PTPN4: variants seen among roughly 807,000 people sequenced by gnomAD.
PTPN4 encodes tyrosine-protein phosphatase non-receptor type 4.
A neutral mutation model predicts 135.5 loss-of-function variants in PTPN4; 49 were observed. The ratio of observed to expected loss-of-function variants is 0.36; its 90% CI spans 0.29 to 0.46. The LOEUF (loss-of-function observed/expected upper bound fraction) is 0.46. PTPN4 is among the 20% of genes least tolerant of loss of function. The pLI is 1.00. For missense variants in PTPN4, 860 were observed against 1,101.0 expected (o/e 0.78, Z 3.10); for synonymous variants, 333 against 369.9 (o/e 0.90, Z 1.14).
At chr2:119,817,035 A>G (rs117479153) in intron 2 of PTPN4, among the ~76,000 whole-genome samples, 2 of 152,192 alleles carry the variant, frequency 1.3e-5, no homozygotes, top group East Asian at 1.9e-4. Context: ...AGAAGTTGCC[A>G]TAGAGCTGTG....
At chr2:119,926,142 TCA>T (rs568131430) in intron 12 of PTPN4, among the ~76,000 whole-genome samples, 71 of 152,194 alleles carry the variant, frequency 4.7e-4, no homozygotes, top group Non-Finnish European at 3.2e-4. Context: ...TTATGTTAAT[TCA>T]CAGTTAAGTA....
chr2:119,962,697 G>A lies in PTPN4; in HGVS notation c.2362G>A (p.Gly788Arg). 6.3e-7 allele frequency: 1 copy of A among 1,590,546 alleles called. No homozygotes were observed. Among genetic ancestry groups the A allele is most frequent in the South Asian group, 1.1e-5 (1 of 88,398 alleles). The change falls in exon 24 of 27, where the codon GGA becomes AGA. Residue 788 changes from glycine to arginine, a missense_variant. This residue lies in a region of PTPN4 where 176 missense variants were observed against 294.1 expected (regional missense o/e 0.60). Transcript: ENST00000263708. ...CYQVTCHSEE[G>R]NTAYIFRKMT... Reference sequence around the variant, plus strand: ...CCAAGTTACCTGCCACTCTGAAGAAGGAAACACTGCCTATATCTTCAGGAA... The same window carrying A: ...CCAAGTTACCTGCCACTCTGAAGAAAGAAACACTGCCTATATCTTCAGGAA...
chr2:119,942,994 G>A lies in PTPN4; in HGVS notation c.1356-2087G>A, dbSNP rs946305570. Among the ~76,000 whole-genome samples the A allele has an allele frequency of 2.6e-5, 4 of 152,196 alleles. No individual in the cohort carries two copies. The South Asian group carries it at 8.3e-4, about 32-fold the overall frequency. On this transcript the variant is annotated intron_variant, in intron 15 of 26. Coordinates refer to ENST00000263708, the MANE Select transcript of PTPN4 (RefSeq NM_002830.4). ...GAAAAAGAGGGATGTATGCTCTGAT[G>A]CAGTCTTTGTAGACTTGGCAGAATT...
chr2:119,916,239 C>T (rs1678652078), intron 11 of PTPN4: 1 of 148,742 alleles, frequency 6.7e-6, no homozygotes, highest in South Asian at 2.1e-4. Flanking sequence ...ACAGTGGTGG[C>T]TTCTACCTGT....
intron 1 of PTPN4, among the ~76,000 whole-genome samples, 151 bp downstream of exon 1, chr2:119,760,535 A>G (rs1306528827): frequency 6.7e-6 from 1 of 150,230 alleles, no homozygotes; most frequent in Non-Finnish European, 1.5e-5. Flanking sequence ...GGACAAAAAC[A>G]AACAAACAAA....
rs1278538274 is a variant in PTPN4 at position 119,982,540 on chromosome 2, T to G, written c.*5470T>G. 1.3e-5 allele frequency: 2 copies of G among 152,208 alleles called. No individual in the cohort carries two copies. Among genetic ancestry groups the G allele is most frequent in the Non-Finnish European group, 2.9e-5 (2 of 68,032 alleles). 9.4% of individuals were successfully genotyped at this position (152,208 alleles called of 1,614,324 possible). Reference sequence around the variant, plus strand: ...AGATATAATGTACATTCTTTTTCATTTTGCTTTGCCTCTAGAATAGAAACT... The same window carrying G: ...AGATATAATGTACATTCTTTTTCATGTTGCTTTGCCTCTAGAATAGAAACT... On this transcript the variant is annotated 3_prime_UTR_variant, in exon 27 of 27. Transcript: ENST00000263708.
chr2:119,766,893 A>G (rs1345876108), intron 1 of PTPN4, among the ~76,000 whole-genome samples: 1 of 152,144 alleles, frequency 6.6e-6, no homozygotes, highest in Admixed American at 6.5e-5. Context: ...CTTCTTTGGC[A>G]GCTTCCCTTC....
chr2:119,788,866 A>G (rs978456031), intron 1 of PTPN4, among the ~76,000 whole-genome samples: 7 of 152,160 alleles, frequency 4.6e-5, no homozygotes, highest in Admixed American at 1.3e-4. Flanking sequence ...ATTGTGAATA[A>G]TGCTGTTGTG....
chr2:119,825,334 T>C (rs925303331), intron 2 of PTPN4, among the ~76,000 whole-genome samples: 3 of 152,176 alleles, frequency 2.0e-5, no homozygotes, highest in Admixed American at 6.5e-5. Context: ...GTGTTTATTA[T>C]GTCCACAGAG....
chr2:119,765,135 A>G (rs1042033777), intron 1 of PTPN4, among the ~76,000 whole-genome samples: 2 of 152,238 alleles, frequency 1.3e-5, no homozygotes, highest in Admixed American at 1.3e-4. Flanking sequence ...GGATTAAGAT[A>G]CTATATGTAA....
At position 119,974,085 on chromosome 2, in the gene PTPN4, T is replaced by C. The variant is rs138217839; in HGVS notation, c.2695-2899T>C. On this transcript the variant is annotated intron_variant, in intron 26 of 26. Transcript: ENST00000263708. ...TCCCTTTATCTATAAGCTTTCAATA[T>C]AATGAATCATTTACTAGCTTCCTCC... Among the ~76,000 whole-genome samples the C allele has an allele frequency of 1.9e-4, 29 of 152,350 alleles. No individual in the cohort carries two copies. The East Asian group carries it at 4.4e-3, about 23-fold the overall frequency.
chr2:119,764,735 C>G (rs763087861), intron 1 of PTPN4, among the ~76,000 whole-genome samples: 1 of 150,520 alleles, frequency 6.6e-6, no homozygotes, highest in African/African-American at 2.4e-5. Context: ...TTTGTATTGT[C>G]TTATGAATTT....
At chr2:119,762,800 T>TA (rs1690533297) in intron 1 of PTPN4, among the ~76,000 whole-genome samples, 1 of 152,166 alleles carries the variant, frequency 6.6e-6, no homozygotes, top group Non-Finnish European at 1.5e-5. Context: ...TAGTTATTGG[T>TA]AGAAGTTTAC....
chr2:119,955,140 T>G lies in PTPN4; in HGVS notation c.1814-17T>G. On this transcript the variant is annotated splice_polypyrimidine_tract_variant and intron_variant, in intron 19 of 26. Transcript: ENST00000263708. ...AGATTTCCACGTTTTGGGGTTTGTT[T>G]GATTTTTTTTTTTTAGCTGTATATG... is the stretch of plus-strand genomic sequence containing the variant. The G allele has an allele frequency of 6.4e-7, 1 of 1,572,832 alleles. No individual in the cohort carries two copies. The highest frequency in any genetic ancestry group is 1.2e-5 in the South Asian group (1 of 84,412).
chr2:119,789,091 CTT>C (rs547900319), intron 1 of PTPN4, among the ~76,000 whole-genome samples: 9 of 142,618 alleles, frequency 6.3e-5, no homozygotes, highest in Admixed American at 7.1e-5. Context: ...TTTCTTTTTT[CTT>C]TTTTTTTTTT....
chr2:119,829,935 A>C (rs898008862), intron 2 of PTPN4, among the ~76,000 whole-genome samples: 1 of 152,162 alleles, frequency 6.6e-6, no homozygotes, highest in Non-Finnish European at 1.5e-5. Flanking sequence ...TCCCACCAGC[A>C]ATGTACCAGG....
rs542083802 is a variant in PTPN4, at chr2:119,904,079, C to T, written c.764+3273C>T. ...CCTGTTACACCAGATGTGCAGATAT[C>T]AACGTATAAGGACAGAAGAAATAAA... On this transcript the variant is annotated intron_variant, in intron 10 of 26. Coordinates refer to ENST00000263708, the MANE Select transcript of PTPN4 (RefSeq NM_002830.4). 7.9e-5 allele frequency among the ~76,000 whole-genome samples: 12 copies of T among 152,118 alleles called. No homozygotes were observed. In the South Asian group the frequency reaches 2.5e-3, roughly 32 times the overall value.
rs943151989 is a variant in PTPN4 at position 119,822,355 on chromosome 2, T to C, written c.138+12364T>C. Among the ~76,000 whole-genome samples the C allele has an allele frequency of 2.8e-3, 310 of 112,394 alleles. 1 individual carries two copies. The highest frequency in any genetic ancestry group is 0.01 in the Middle Eastern group (2 of 196). The allele number at this position is 112,394 out of a possible 152,430, so 73.7% of individuals were successfully genotyped here. ...TCTTCCAAAGTGTATTAGTATCCCCTCCCCCCCCCTTTTTTTTTTTTGAGA... is the reference window on the plus strand; with the variant it reads ...TCTTCCAAAGTGTATTAGTATCCCCCCCCCCCCCCTTTTTTTTTTTTGAGA... On this transcript the variant is annotated intron_variant, in intron 2 of 26. Coordinates refer to ENST00000263708, the MANE Select transcript of PTPN4 (RefSeq NM_002830.4).
Position 119,965,485 on chromosome 2 carries a change from A to G in PTPN4, c.2410-12A>G, listed in dbSNP as rs111813389. 36 of 1,594,778 alleles carry G rather than the reference A, an allele frequency of 2.3e-5. No homozygotes were observed. The highest frequency in any genetic ancestry group is 1.4e-4 in the African/African-American group (10 of 73,700). ...CATAAGTCAAGGTGCATAATTTTTC[A>G]TTTGTTCTTAGAAAAATGAAAGTCG... On this transcript the variant is annotated splice_polypyrimidine_tract_variant and intron_variant, in intron 24 of 26. Coordinates refer to ENST00000263708, the MANE Select transcript of PTPN4 (RefSeq NM_002830.4).
Sources: gnomAD v4.1 joint callset for allele counts (sites outside exome capture counted in the v4.1 genomes callset) on GRCh38, gnomAD v4.1.1 for gene constraint, gnomAD v4.1.1 regional missense constraint, MANE v1.5 for transcripts, NCBI Gene and HGNC (gene_info 2026-07-23, HGNC 2026-07-21) for gene names.